PI4KA: variants seen among roughly 807,000 people sequenced by gnomAD.
PI4KA encodes phosphatidylinositol 4-kinase alpha, also known as PI4-kinase alpha.
In PI4KA, 122 loss-of-function variants were observed where a neutral mutation model predicts 271.4. That is an observed-to-expected ratio of 0.45 (90% CI 0.39 to 0.52). PI4KA has a LOEUF of 0.52. PI4KA is among the 20% of genes least tolerant of loss of function. The probability of loss-of-function intolerance (pLI) is 0.00; values close to 1 mark genes in which losing one functional copy is unlikely to be tolerated. For missense variants in PI4KA, 1,969 were observed against 2,769.1 expected, an observed-to-expected ratio of 0.71 and a Z score of 6.48; for synonymous variants, 1,041 against 1,078.8, an observed-to-expected ratio of 0.96 and a Z score of 0.69.
At position 20,727,303 on chromosome 22, in the gene PI4KA, T is replaced by C. The variant is rs771188551; in HGVS notation, c.4868A>G (p.Tyr1623Cys). ...GTGCGGCGGGTACATGCTGGAGAAG[T>C]AGGAGAGGCCTGTGGGTGGGTCCGT... ...APTDPPTGLS[Y>C]FSSMYPPHPL... Residue 1623 changes from tyrosine (Y) to cysteine (C), a missense_variant, in exon 41 of 55, where the codon TAC becomes TGC. Physicochemically the swap from Tyr to Cys is radical, Grantham distance 194 (BLOSUM62 -2). Transcript: ENST00000255882. The C allele has an allele frequency of 6.2e-7, 1 of 1,612,542 alleles. No homozygotes were observed. The highest frequency in any genetic ancestry group is 2.2e-5 in the East Asian group (1 of 44,798).
intron 17 of PI4KA, among the ~76,000 whole-genome samples, chr22:20,796,816 A>G (rs543173594): frequency 6.6e-6 from 1 of 152,368 alleles, no homozygotes; most frequent in Non-Finnish European, 1.5e-5. Flanking sequence ...TCCAATGCTC[A>G]GCAAGTGTTC....
chr22:20,801,488 G>A (rs1192848573), intron 14 of PI4KA, among the ~76,000 whole-genome samples: 1 of 151,940 alleles, frequency 6.6e-6, no homozygotes, highest in Non-Finnish European at 1.5e-5. Context: ...GGGAGGCTGA[G>A]GCAGGAGAAT....
At position 20,804,538 on chromosome 22, in the gene PI4KA, C is replaced by G. The variant is rs1601535624; in HGVS notation, c.1361-138G>C. On this transcript the variant is annotated intron_variant, in intron 11 of 54. Coordinates refer to ENST00000255882, the MANE Select transcript of PI4KA (RefSeq NM_058004.4). ...GCAGGGCTTATTCATACTGAGAGGT[C>G]ACACAGTGTGTGACACTCTCTCTCT... The G allele has an allele frequency of 8.2e-5, 55 of 669,930 alleles. No individual in the cohort carries two copies. In the East Asian group the frequency reaches 1.5e-3, roughly 18 times the overall value. The allele number at this position is 669,930 out of a possible 1,614,324, so 41.5% of individuals were successfully genotyped here. A position where few individuals can be genotyped will look rare whatever the true frequency, so the allele number is the denominator to read the frequency against.
chr22:20,732,187 T>A (rs191117897), intron 36 of PI4KA, among the ~76,000 whole-genome samples: 148 of 150,178 alleles, frequency 9.9e-4, no homozygotes, highest in African/African-American at 2.5e-3. Context: ...AAAATAAAAT[T>A]AAATTAAATT....
At chr22:20,756,461 C>A (rs1931316563) in intron 23 of PI4KA, among the ~76,000 whole-genome samples, 1 of 152,028 alleles carries the variant, frequency 6.6e-6, no homozygotes, top group South Asian at 2.1e-4. Flanking sequence ...CTCAAATGAT[C>A]CACCCGCCTT....
rs150004135 is a variant in PI4KA, at chr22:20,799,145, G to T, written c.1952C>A (p.Pro651His). ...CTGGTCAATAATCAGCACATCGAGGGGGGAGGGTGGCTGGCAGAATTTCTG... is the reference window on the plus strand; with the variant it reads ...CTGGTCAATAATCAGCACATCGAGGTGGGAGGGTGGCTGGCAGAATTTCTG... ...LQQKFCQPPS[P>H]LDVLIIDQLG... Residue 651 changes from proline to histidine, a missense_variant, in exon 16 of 55, where the codon CCC becomes CAC. Transcript: ENST00000255882. 10 of 1,613,032 alleles carry T rather than the reference G, an allele frequency of 6.2e-6. No individual in the cohort carries two copies. The highest frequency in any genetic ancestry group is 1.6e-4 in the Middle Eastern group (1 of 6,082).
intron 19 of PI4KA, among the ~76,000 whole-genome samples, chr22:20,788,382 C>T (rs150968841): frequency 4.3e-4 from 66 of 152,310 alleles, no homozygotes; most frequent in African/African-American, 1.5e-3. Flanking sequence ...GGAAGGGGAA[C>T]GTCACTGCCC....
rs1555894632 is a variant in PI4KA, at chr22:20,785,067, C to CTT, written c.2328+8124_2328+8125dup. Reference sequence around the variant, plus strand: ...GCAGCTCTTGAGAAAGGGACTGCATCTTTTTTTTTTTTTTTTTTTTGAGAC... The same window carrying CTT: ...GCAGCTCTTGAGAAAGGGACTGCATCTTTTTTTTTTTTTTTTTTTTTTGAGAC... On this transcript the variant is annotated intron_variant, in intron 19 of 54. Transcript: ENST00000255882. 9.4e-4 allele frequency among the ~76,000 whole-genome samples: 126 copies of CTT among 134,422 alleles called. 1 individual carries two copies. Among genetic ancestry groups the CTT allele is most frequent in the African/African-American group, 3.0e-3 (108 of 36,366 alleles). 88.2% of individuals were successfully genotyped at this position (134,422 alleles called of 152,430 possible).
chr22:20,836,412 T>C (rs1343838963), intron 2 of PI4KA, among the ~76,000 whole-genome samples: 3 of 152,248 alleles, frequency 2.0e-5, no homozygotes, highest in East Asian at 1.9e-4. Flanking sequence ...AGGAACTGGC[T>C]AAGACATCTG....
chr22:20,798,762 A>G, intron 16 of PI4KA, 75 bp from the exon 17 acceptor site: 1 of 968,920 alleles, frequency 1.0e-6, no homozygotes, highest in Non-Finnish European at 1.7e-6. Flanking sequence ...CCTAGAGAGA[A>G]AGCTCTGGAA....
In PI4KA at chr22:20,727,244, G is replaced by C. The variant is rs750112492; in HGVS notation, c.4927C>G (p.Arg1643Gly). Residue 1643 changes from arginine (R) to glycine (G), a missense_variant, in exon 41 of 55, where the codon CGG becomes GGG. This residue lies in a region of PI4KA where 388 missense variants were observed against 521.5 expected (regional missense o/e 0.74). Coordinates refer to ENST00000255882, the MANE Select transcript of PI4KA (RefSeq NM_058004.4). ...CCTGGGCTCACCGGAGGGAAGGACCGCAGGACTTTCACCCCGTACTGCGCC... is the reference window on the plus strand; with the variant it reads ...CCTGGGCTCACCGGAGGGAAGGACCCCAGGACTTTCACCCCGTACTGCGCC... The part of the protein sequence containing the change: ...LTAQYGVKVL[R>G]SFPPDAILFY... The C allele has an allele frequency of 6.2e-7, 1 of 1,612,534 alleles. No individual in the cohort carries two copies. Among genetic ancestry groups the C allele is most frequent in the Admixed American group, 1.7e-5 (1 of 59,644 alleles).
chr22:20,812,351 T>C (rs889866959), intron 8 of PI4KA, among the ~76,000 whole-genome samples: 7 of 152,232 alleles, frequency 4.6e-5, no homozygotes, highest in Non-Finnish European at 2.9e-5. Flanking sequence ...AGCCATTCTC[T>C]GAGGGATTTC....
chr22:20,819,625 A>T lies in PI4KA; in HGVS notation c.789+16T>A. On this transcript the variant is annotated intron_variant, in intron 6 of 54. Transcript: ENST00000255882. ...GGTCTTTCTCCTCTGCTCTTTCCCC[A>T]GTAGCCCAGGCCCACCTGAGAGATG... 6.2e-7 allele frequency: 1 copy of T among 1,610,250 alleles called. No homozygotes were observed.
chr22:20,737,840 AG>A (rs1336861739), intron 32 of PI4KA, among the ~76,000 whole-genome samples: 1 of 152,146 alleles, frequency 6.6e-6, no homozygotes, highest in Non-Finnish European at 1.5e-5. Context: ...CATATTGGTC[AG>A]GCTGGTCTCG....
chr22:20,774,780 A>T (rs978146298), intron 19 of PI4KA, among the ~76,000 whole-genome samples: 1 of 151,676 alleles, frequency 6.6e-6, no homozygotes, highest in African/African-American at 2.4e-5. Context: ...AAAAAAGAAG[A>T]AAAAAGAAAA....
chr22:20,853,290 A>G lies in PI4KA; in HGVS notation c.156+5280T>C, dbSNP rs1357603009. 5.9e-5 allele frequency among the ~76,000 whole-genome samples: 9 copies of G among 152,274 alleles called. No individual in the cohort carries two copies. The East Asian group carries it at 1.4e-3, about 23-fold the overall frequency. ...CCAGGATCGAGGGCCCACTGGTTTA[A>G]TACAGGCCTATAGAGGAGAGACACA... is the stretch of plus-strand genomic sequence containing the variant. On this transcript the variant is annotated intron_variant, in intron 1 of 54. Coordinates refer to ENST00000255882, the MANE Select transcript of PI4KA (RefSeq NM_058004.4).
intron 11 of PI4KA, 76 bp from the exon 12 acceptor site, chr22:20,804,476 G>T: frequency 9.9e-7 from 1 of 1,007,656 alleles, no homozygotes. Context: ...CACCAAGTAA[G>T]CACAGAATTT....
In PI4KA at chr22:20,804,386, A is replaced by G; in HGVS notation, c.1375T>C (p.Cys459Arg). ...TGCAGCTTCTCAGATAGCTTGATGC[A>G]AAGGTTTTCTGCACCTTAATTCAAA... ...VKDEQGAENL[C>R]IKLSEKLQSK... Residue 459 changes from cysteine to arginine, a missense_variant, in exon 12 of 55, where the codon TGC becomes CGC. Cys to Arg is a radical substitution (Grantham distance 180). This residue lies in a region of PI4KA where 14 missense variants were observed against 34.0 expected (regional missense o/e 0.41). Transcript: ENST00000255882. The G allele has an allele frequency of 6.2e-7, 1 of 1,613,640 alleles. No individual in the cohort carries two copies. Among genetic ancestry groups the G allele is most frequent in the Non-Finnish European group, 8.5e-7 (1 of 1,179,528 alleles).
chr22:20,742,165 G>A, intron 32 of PI4KA, 63 bp downstream of exon 32: 6 of 1,557,784 alleles, frequency 3.9e-6, no homozygotes, highest in Non-Finnish European at 4.4e-6. Flanking sequence ...CGGCACCAGG[G>A]AAGGCTCTTC....
Sources: gnomAD v4.1 joint callset for allele counts (sites outside exome capture counted in the v4.1 genomes callset) on GRCh38, gnomAD v4.1.1 for gene constraint, gnomAD v4.1.1 regional missense constraint, MANE v1.5 for transcripts, NCBI Gene and HGNC (gene_info 2026-07-23, HGNC 2026-07-21) for gene names.